The following MPPED1 variants were observed in gnomAD, a reference collection of about 807,000 sequenced individuals.
The protein encoded by MPPED1 is metallophosphoesterase domain containing 1.
A neutral mutation model predicts 36.2 loss-of-function variants in MPPED1; 16 were observed. The ratio of observed to expected loss-of-function variants is 0.44; its 90% CI spans 0.30 to 0.67. The LOEUF (loss-of-function observed/expected upper bound fraction) is 0.67. MPPED1 is among the 30% of genes least tolerant of loss of function. The pLI is 0.10. For missense variants in MPPED1, 307 were observed against 453.4 expected (o/e 0.68, Z 2.93); for synonymous variants, 199 against 191.3 (o/e 1.04, Z -0.33).
intron 3 of MPPED1, among the ~76,000 whole-genome samples, chr22:43,457,347 A>T (rs115773368): frequency 2.2e-4 from 34 of 152,130 alleles, no homozygotes; most frequent in African/African-American, 7.9e-4. Flanking sequence ...TGGCGTCTGG[A>T]TACTGTTTGT....
At position 43,425,179 on chromosome 22, in the gene MPPED1, A is replaced by C; in HGVS notation, c.194A>C (p.Gln65Pro). Residue 65 changes from glutamine (Q) to proline (P), a missense_variant, in exon 2 of 7, where the codon CAG becomes CCG. Transcript: ENST00000443721. ...GCCTTCACCTTCTACAACATCAACC[A>C]GGGCCGCTTCCAGCCACCGCATGTG... ...TQAFTFYNIN[Q>P]GRFQPPHVQM... is the part of the protein sequence containing the mutation. The C allele has an allele frequency of 7.2e-7, 1 of 1,389,392 alleles. No homozygotes were observed. The highest frequency in any genetic ancestry group is 9.6e-7 in the Non-Finnish European group (1 of 1,040,010). The allele number at this position is 1,389,392 out of a possible 1,614,324, so 86.1% of individuals were successfully genotyped here. A position where few individuals can be genotyped will look rare whatever the true frequency, so the allele number is the denominator to read the frequency against.
chr22:43,451,281 C>T (rs902027638), intron 3 of MPPED1, among the ~76,000 whole-genome samples: 6 of 152,092 alleles, frequency 3.9e-5, no homozygotes, highest in Admixed American at 1.3e-4. Context: ...CTGCAATTAC[C>T]GGTGTGAGCC....
chr22:43,437,551 A>G (rs929887348), intron 3 of MPPED1, among the ~76,000 whole-genome samples: 1 of 152,030 alleles, frequency 6.6e-6, no homozygotes, highest in African/African-American at 2.4e-5. Flanking sequence ...AGCCTCCCTA[A>G]TTGGAAGTAA....
chr22:43,415,422 C>T (rs1188321758), intron 1 of MPPED1, among the ~76,000 whole-genome samples: 2 of 151,998 alleles, frequency 1.3e-5, no homozygotes, highest in African/African-American at 4.8e-5. Context: ...TTTTTTCCCC[C>T]TAATGAGACA....
chr22:43,451,036 T>G (rs888998315), intron 3 of MPPED1, among the ~76,000 whole-genome samples: 6 of 150,676 alleles, frequency 4.0e-5, no homozygotes, highest in African/African-American at 1.5e-4. Context: ...TTTTTTTTTT[T>G]TTTTGATGGA....
chr22:43,465,451 C>A (rs547905841), intron 3 of MPPED1, among the ~76,000 whole-genome samples: 4 of 152,354 alleles, frequency 2.6e-5, no homozygotes, highest in African/African-American at 9.6e-5. Context: ...GACGACGGAA[C>A]CTCATGGATT....
At chr22:43,432,914 AAGGG>A (rs929366520) in intron 2 of MPPED1, among the ~76,000 whole-genome samples, 2 of 37,784 alleles carry the variant, frequency 5.3e-5, no homozygotes, top group Non-Finnish European at 1.6e-4. Context: ...GGGAAAGAGA[AAGGG>A]AGGAGAGAGA....
intron 3 of MPPED1, among the ~76,000 whole-genome samples, chr22:43,460,489 C>T (rs150602254): frequency 3.3e-5 from 5 of 152,050 alleles, no homozygotes; most frequent in Non-Finnish European, 5.9e-5. Flanking sequence ...CACCAACACA[C>T]TTAGGCTGTG....
At chr22:43,496,340 A>G (rs867821300) in intron 4 of MPPED1, among the ~76,000 whole-genome samples, 135 of 2,876 alleles carry the variant, frequency 0.047, 1 homozygote, top group African/African-American at 0.063. Context: ...GGAGGTGGTG[A>G]TGGAGGTGGT....
At chr22:43,470,251 G>A (rs2146879751) in intron 3 of MPPED1, among the ~76,000 whole-genome samples, 1 of 147,826 alleles carries the variant, frequency 6.8e-6, no homozygotes, top group South Asian at 2.1e-4. Context: ...CGTCTACAAA[G>A]CATCCATTCA....
intron 4 of MPPED1, among the ~76,000 whole-genome samples, chr22:43,495,494 G>A (rs1278071909): frequency 3.6e-5 from 1 of 27,398 alleles, no homozygotes; most frequent in Non-Finnish European, 5.9e-5. Flanking sequence ...GGTGGAGGTA[G>A]TGGTGGTGGA....
At chr22:43,468,090 G>A (rs1224076086) in intron 3 of MPPED1, among the ~76,000 whole-genome samples, 2 of 152,198 alleles carry the variant, frequency 1.3e-5, no homozygotes, top group Admixed American at 6.5e-5. Context: ...TTGAATACAC[G>A]TATGTGGCAA....
chr22:43,492,202 T>A (rs1932127452), intron 4 of MPPED1, among the ~76,000 whole-genome samples: 1 of 152,110 alleles, frequency 6.6e-6, no homozygotes. Context: ...TTGAGTATTA[T>A]CCCCACTTCA....
intron 2 of MPPED1, among the ~76,000 whole-genome samples, chr22:43,430,953 G>C (rs1215145240): frequency 6.7e-6 from 1 of 149,298 alleles, no homozygotes; most frequent in Non-Finnish European, 1.5e-5. Context: ...CTTGGGTCTA[G>C]CTTCAGGTAT....
At chr22:43,453,897 ACT>A (rs975649286) in intron 3 of MPPED1, among the ~76,000 whole-genome samples, 47 of 152,256 alleles carry the variant, frequency 3.1e-4, no homozygotes, top group African/African-American at 1.1e-3. Context: ...CCTCTCTGGA[ACT>A]TTTTTGTCTT....
chr22:43,418,237 A>G, intron 1 of MPPED1: 1 of 447,696 alleles, frequency 2.2e-6, no homozygotes, highest in Non-Finnish European at 4.5e-6. Flanking sequence ...TGGCACAGGG[A>G]CAGCAGATGT....
At chr22:43,453,996 A>T (rs1432603376) in intron 3 of MPPED1, among the ~76,000 whole-genome samples, 1 of 151,906 alleles carries the variant, frequency 6.6e-6, no homozygotes, top group African/African-American at 2.4e-5. Context: ...CTTTTTTAAA[A>T]TTTAAATATT....
chr22:43,417,952 G>C, intron 1 of MPPED1: 1 of 434,088 alleles, frequency 2.3e-6, no homozygotes, highest in Non-Finnish European at 4.7e-6. Context: ...AGCGGGGATG[G>C]CTGTTGGGGG....
At position 43,502,791 on chromosome 22, in the gene MPPED1, CT is replaced by C; in HGVS notation, c.862+35del. 1 of 1,570,736 alleles carries C rather than the reference CT, an allele frequency of 6.4e-7. No individual in the cohort carries two copies. The highest frequency in any genetic ancestry group is 1.3e-5 in the African/African-American group (1 of 74,226). On this transcript the variant is annotated intron_variant, in intron 6 of 6. Transcript: ENST00000443721. This position sits in a 1 kb window ranked among gnomAD's most constrained non-coding sequence, Gnocchi z 5.5. Reference sequence around the variant, plus strand: ...GTAGCGGAGACAGGCACCTCACGGGCTAGGGGCTCCTAATGGACCCTCCAGC... The same window carrying C: ...GTAGCGGAGACAGGCACCTCACGGGCAGGGGCTCCTAATGGACCCTCCAGC...
Sources: allele counts gnomAD v4.1 joint callset (sites outside exome capture counted in the v4.1 genomes callset), GRCh38; gene constraint gnomAD v4.1.1; non-coding constraint Gnocchi (gnomAD v3.1); transcripts MANE v1.5; gene names NCBI Gene and HGNC (gene_info 2026-07-23, HGNC 2026-07-21).